Variants in ARHGEF19 observed in about 807,000 individuals in gnomAD.
ARHGEF19 encodes the protein Rho guanine nucleotide exchange factor 19.
ARHGEF19 carries 92 observed loss-of-function variants against 87.6 expected under a neutral mutation model. The observed-to-expected ratio is 1.05, with a 90% CI of 0.89 to 1.25. The LOEUF (loss-of-function observed/expected upper bound fraction) is 1.25. Among genes scored for constraint, ARHGEF19 ranks in the 50% most tolerant of loss-of-function variants. The probability of loss-of-function intolerance (pLI) is 0.00; values close to 1 mark genes in which losing one functional copy is unlikely to be tolerated. For missense variants in ARHGEF19, 1,054 were observed against 1,051.8 expected (o/e 1.00, Z -0.03); for synonymous variants, 438 against 446.2 (o/e 0.98, Z 0.23).
In ARHGEF19 at chr1:16,207,727, C is replaced by G. The variant is rs2081155493; in HGVS notation, c.745G>C (p.Val249Leu). ...GAGTCACCAGGGGCTGGCCGCGACA[C>G]CCGGTCCCCGCTCATCTCTACACTT... is the stretch of plus-strand genomic sequence containing the variant. ...ARSVEMSGDRVSRPAPGDSRE... is the reference protein window; with the variant it reads ...ARSVEMSGDRLSRPAPGDSRE... Residue 249 changes from valine to leucine, a missense_variant, in exon 4 of 16, where the codon GTG (valine) becomes CTG (leucine). Coordinates refer to ENST00000270747, the MANE Select transcript of ARHGEF19 (RefSeq NM_153213.5). This position sits in a 1 kb window ranked among gnomAD's most constrained non-coding sequence, Gnocchi z 4.0. The G allele has an allele frequency of 1.2e-6, 2 of 1,613,984 alleles. No homozygotes were observed. The highest frequency in any genetic ancestry group is 1.7e-6 in the Non-Finnish European group (2 of 1,180,018).
Position 16,201,729 on chromosome 1 carries a change from A to AGGG in ARHGEF19, c.2146+52_2146+53insCCC, listed in dbSNP as rs879350436. The stretch of plus-strand genomic sequence containing the variant: ...ACAGCACCCAGGATGGGAGGGGAGG[A>AGGG]GAGCGGGCGAGGGTCCAGCCCAGGG... On this transcript the variant is annotated intron_variant, in intron 14 of 15. Coordinates refer to ENST00000270747, the MANE Select transcript of ARHGEF19 (RefSeq NM_153213.5). 1.4e-3 allele frequency: 2,203 copies of AGGG among 1,571,676 alleles called. 4 individuals are homozygous for AGGG. Among genetic ancestry groups the AGGG allele is most frequent in the Admixed American group, 2.4e-3 (138 of 57,004 alleles).
chr1:16,201,468 C>A (rs2081082923), intron 14 of ARHGEF19, among the ~76,000 whole-genome samples: 1 of 152,206 alleles, frequency 6.6e-6, no homozygotes, highest in Non-Finnish European at 1.5e-5. Flanking sequence ...GGTCTCGGCT[C>A]TGCTACTTAC....
rs1337596272 is a variant in ARHGEF19, at chr1:16,206,839, C to T, written c.1137+109G>A. ...CCTTCCGCGCGGACAGTCGCGCCAGCAACCCCCTTTGTGTGTCCCCCTCCC... is the reference window on the plus strand; with the variant it reads ...CCTTCCGCGCGGACAGTCGCGCCAGTAACCCCCTTTGTGTGTCCCCCTCCC... On this transcript the variant is annotated intron_variant, in intron 6 of 15. Transcript: ENST00000270747. The surrounding 1 kb of genome is among the most constrained non-coding windows in gnomAD (Gnocchi z 4.6). 2 of 1,307,056 alleles carry T rather than the reference C, an allele frequency of 1.5e-6. No individual in the cohort carries two copies. The highest frequency in any genetic ancestry group is 3.8e-5 in the Admixed American group (1 of 26,398). 81.0% of individuals were successfully genotyped at this position (1,307,056 alleles called of 1,614,324 possible).
chr1:16,208,550 G>A (rs2081166983), intron 2 of ARHGEF19, 93 bp downstream of exon 2: 1 of 1,432,310 alleles, frequency 7.0e-7, no homozygotes, highest in Non-Finnish European at 9.2e-7. Context: ...GACTTTTGGG[G>A]GAACCTTGGG....
Position 16,205,857 on chromosome 1 carries a change from A to G in ARHGEF19, c.1451+74T>C. 6.5e-7 allele frequency: 1 copy of G among 1,532,008 alleles called. No homozygotes were observed. Among genetic ancestry groups the G allele is most frequent in the African/African-American group, 1.4e-5 (1 of 72,796 alleles). 94.9% of individuals were successfully genotyped at this position (1,532,008 alleles called of 1,614,324 possible). ...TCCCCTCCCAGAGTCACCTTACGTC[A>G]CCCAGCCCTCAGTGCCTACACCTGC... On this transcript the variant is annotated intron_variant, in intron 8 of 15. Coordinates refer to ENST00000270747, the MANE Select transcript of ARHGEF19 (RefSeq NM_153213.5). This position sits in a 1 kb window ranked among gnomAD's most constrained non-coding sequence, Gnocchi z 5.8.
Position 16,199,000 on chromosome 1 carries a change from G to A in ARHGEF19, c.2251+150C>T. Reference sequence around the variant, plus strand: ...CACTCTCCATCCTATATCTTTACAAGCAGGAAGTTCCTCCTCTCATCTAAC... The same window carrying A: ...CACTCTCCATCCTATATCTTTACAAACAGGAAGTTCCTCCTCTCATCTAAC... On this transcript the variant is annotated intron_variant, in intron 15 of 15. Coordinates refer to ENST00000270747, the MANE Select transcript of ARHGEF19 (RefSeq NM_153213.5). The surrounding 1 kb of genome is among the most constrained non-coding windows in gnomAD (Gnocchi z 4.1). 9 of 826,792 alleles carry A rather than the reference G, an allele frequency of 1.1e-5. No individual in the cohort carries two copies. The highest frequency in any genetic ancestry group is 1.7e-5 in the South Asian group (1 of 58,544). The allele number at this position is 826,792 out of a possible 1,614,324, so 51.2% of individuals were successfully genotyped here.
Position 16,202,502 on chromosome 1 carries a change from C to A in ARHGEF19, c.1980G>T (p.Leu660=). ...ELQVRDLSLK[L]QGIPGHVFLL... Reference sequence around the variant, plus strand: ...GGAACACGTGGCCGGGGATGCCCTGCAGCTTCAGGCTCAGGTCCCGCACCT... The same window carrying A: ...GGAACACGTGGCCGGGGATGCCCTGAAGCTTCAGGCTCAGGTCCCGCACCT... Residue 660 remains leucine (L), a synonymous_variant, in exon 13 of 16, where the codon CTG becomes CTT. Coordinates refer to ENST00000270747, the MANE Select transcript of ARHGEF19 (RefSeq NM_153213.5). The A allele has an allele frequency of 1.9e-6, 3 of 1,614,202 alleles. No homozygotes were observed. The highest frequency in any genetic ancestry group is 2.2e-5 in the East Asian group (1 of 44,892).
intron 14 of ARHGEF19, among the ~76,000 whole-genome samples, chr1:16,200,196 G>A (rs1275507347): frequency 6.6e-6 from 1 of 152,180 alleles, no homozygotes; most frequent in African/African-American, 2.4e-5. Flanking sequence ...ACAGACTGAG[G>A]GGCCAGACCT....
At position 16,208,812 on chromosome 1, in the gene ARHGEF19, G is replaced by A. The variant is rs761356746; in HGVS notation, c.243C>T (p.Ser81=). 1 of 1,613,360 alleles carries A rather than the reference G, an allele frequency of 6.2e-7. No homozygotes were observed. Residue 81 remains serine (S), a synonymous_variant, in exon 2 of 16, where the codon TCC becomes TCT. Transcript: ENST00000270747. Reference sequence around the variant, plus strand: ...TGATCTCTGTATCTGAGCCTCCTGGGGATAATGGCCATAGCAACCCTTGGA... The same window carrying A: ...TGATCTCTGTATCTGAGCCTCCTGGAGATAATGGCCATAGCAACCCTTGGA... ...APLQGLLWPL[S]PGGSDTEITS...
rs773885871 is a variant in ARHGEF19 at position 16,208,809 on chromosome 1, T to C, written c.246A>G (p.Pro82=). ...TGGTGATCTCTGTATCTGAGCCTCC[T>C]GGGGATAATGGCCATAGCAACCCTT... ...PLQGLLWPLS[P]GGSDTEITSG... is the part of the protein sequence containing the mutation. The change falls in exon 2 of 16, where the codon CCA becomes CCG. Residue 82 remains proline, a synonymous_variant. Coordinates refer to ENST00000270747, the MANE Select transcript of ARHGEF19 (RefSeq NM_153213.5). 9.9e-6 allele frequency: 16 copies of C among 1,613,200 alleles called. No individual in the cohort carries two copies. The highest frequency in any genetic ancestry group is 5.5e-5 in the South Asian group (5 of 91,018).
Position 16,205,362 on chromosome 1 carries a change from C to G in ARHGEF19, c.1645G>C (p.Ala549Pro). 1 of 1,613,836 alleles carries G rather than the reference C, an allele frequency of 6.2e-7. No individual in the cohort carries two copies. Among genetic ancestry groups the G allele is most frequent in the Non-Finnish European group, 8.5e-7 (1 of 1,179,802 alleles). ...DEDMATKAFN[A>P]LKELVQECNA... ...CCTGCCCAGCTCACCTCCTTGAGCG[C>G]ATTGAAGGCCTTGGTGGCCATGTCT... The change falls in exon 10 of 16, where the codon GCG (alanine) becomes CCG (proline). Residue 549 changes from alanine (A) to proline (P), a missense_variant. Transcript: ENST00000270747. The surrounding 1 kb of genome is among the most constrained non-coding windows in gnomAD (Gnocchi z 5.8).
Position 16,207,900 on chromosome 1 carries a change from C to G in ARHGEF19, c.694+44G>C, listed in dbSNP as rs746705691. The G allele has an allele frequency of 5.8e-5, 91 of 1,573,758 alleles. No individual in the cohort carries two copies. Among genetic ancestry groups the G allele is most frequent in the Middle Eastern group, 2.3e-4 (1 of 4,282 alleles). Reference sequence around the variant, plus strand: ...TGGGCATCGCCCACCCCCACCCCCACCCGGCATCTGGCTGCCCTCAGGGCC... The same window carrying G: ...TGGGCATCGCCCACCCCCACCCCCAGCCGGCATCTGGCTGCCCTCAGGGCC... On this transcript the variant is annotated intron_variant, in intron 3 of 15. Coordinates refer to ENST00000270747, the MANE Select transcript of ARHGEF19 (RefSeq NM_153213.5). This position sits in a 1 kb window ranked among gnomAD's most constrained non-coding sequence, Gnocchi z 4.0.
Position 16,207,544 on chromosome 1 carries a change from G to T in ARHGEF19, c.852C>A (p.Arg284=). Residue 284 remains arginine (R), a synonymous_variant, in exon 5 of 16, where the codon CGC becomes CGA. Coordinates refer to ENST00000270747, the MANE Select transcript of ARHGEF19 (RefSeq NM_153213.5). The surrounding 1 kb of genome is among the most constrained non-coding windows in gnomAD (Gnocchi z 4.0). Reference sequence around the variant, plus strand: ...TACAGTTAAGGAGGAATCGAGACTGGCGCCGCTCGTTGGTGCTCCTGGACC... The same window carrying T: ...TACAGTTAAGGAGGAATCGAGACTGTCGCCGCTCGTTGGTGCTCCTGGACC... ...PLGSRSTNER[R]QSRFLLNSVL... is the part of the protein sequence containing the mutation. 6.2e-7 allele frequency: 1 copy of T among 1,613,974 alleles called. No individual in the cohort carries two copies. Among genetic ancestry groups the T allele is most frequent in the East Asian group, 2.2e-5 (1 of 44,862 alleles).
chr1:16,199,311 C>T, intron 14 of ARHGEF19, 57 bp from the exon 15 acceptor site: 1 of 1,466,542 alleles, frequency 6.8e-7, no homozygotes, highest in Non-Finnish European at 9.5e-7. Flanking sequence ...GGGGGAGGAG[C>T]ATGGGTAGGG....
chr1:16,200,634 C>T (rs1011515053), intron 14 of ARHGEF19, among the ~76,000 whole-genome samples: 1 of 152,108 alleles, frequency 6.6e-6, no homozygotes, highest in African/African-American at 2.4e-5. Context: ...ATCCCAGCTA[C>T]TTGGGAGGCT....
At chr1:16,199,725 T>C (rs555984121) in intron 14 of ARHGEF19, among the ~76,000 whole-genome samples, 2 of 152,080 alleles carry the variant, frequency 1.3e-5, no homozygotes, top group African/African-American at 4.8e-5. Context: ...GGCTTCCCAG[T>C]CCTCTTAGAA....
chr1:16,204,371 T>G (rs376229882), intron 12 of ARHGEF19, among the ~76,000 whole-genome samples: 2 of 152,156 alleles, frequency 1.3e-5, no homozygotes, highest in African/African-American at 2.4e-5. Flanking sequence ...AGGGAGGTAT[T>G]TGGAGGATTA....
At position 16,207,662 on chromosome 1, in the gene ARHGEF19, C is replaced by CG; in HGVS notation, c.797+12dup. 2 of 1,614,080 alleles carry CG rather than the reference C, an allele frequency of 1.2e-6. No homozygotes were observed. Among genetic ancestry groups the CG allele is most frequent in the Non-Finnish European group, 1.7e-6 (2 of 1,180,012 alleles). ...ACCCTGTCTCGGACCCAAGCCCAAA[C>CG]GGGAGGTGGTACCTGGGCTCGGACC... On this transcript the variant is annotated intron_variant, in intron 4 of 15. Transcript: ENST00000270747. The surrounding 1 kb of genome is among the most constrained non-coding windows in gnomAD (Gnocchi z 4.0).
Position 16,207,902 on chromosome 1 carries a change from C to CCGCCGG in ARHGEF19, c.694+41_694+42insCCGGCG. ...GGCATCGCCCACCCCCACCCCCACC[C>CCGCCGG]GGCATCTGGCTGCCCTCAGGGCCCA... is the stretch of plus-strand genomic sequence containing the variant. On this transcript the variant is annotated intron_variant, in intron 3 of 15. Coordinates refer to ENST00000270747, the MANE Select transcript of ARHGEF19 (RefSeq NM_153213.5). The surrounding 1 kb of genome is among the most constrained non-coding windows in gnomAD (Gnocchi z 4.0). The CCGCCGG allele has an allele frequency of 6.3e-7, 1 of 1,574,836 alleles. No homozygotes were observed. The highest frequency in any genetic ancestry group is 8.6e-7 in the Non-Finnish European group (1 of 1,159,218).
Sources: gnomAD v4.1 joint callset for allele counts (sites outside exome capture counted in the v4.1 genomes callset) on GRCh38, gnomAD v4.1.1 for gene constraint, Gnocchi (gnomAD v3.1) non-coding constraint, MANE v1.5 for transcripts, NCBI Gene and HGNC (gene_info 2026-07-23, HGNC 2026-07-21) for gene names.